Variants in MACROD2 observed in about 807,000 individuals in gnomAD.
MACROD2 encodes the protein mono-ADP ribosylhydrolase 2.
Under a neutral mutation model 70.4 loss-of-function variants are expected in MACROD2, and 36 were observed. That is an observed-to-expected ratio of 0.51 (90% CI 0.39 to 0.68). The LOEUF (loss-of-function observed/expected upper bound fraction) is 0.68. Among genes scored for constraint, MACROD2 ranks in the 30% least tolerant of loss-of-function variants. The probability of loss-of-function intolerance (pLI) is 0.00; values close to 1 mark genes in which losing one functional copy is unlikely to be tolerated. For missense variants in MACROD2, 496 were observed against 538.4 expected (o/e 0.92, Z 0.78); for synonymous variants, 172 against 178.8 (o/e 0.96, Z 0.30).
At chr20:14,998,283 G>A (rs1295701615) in intron 5 of MACROD2, among the ~76,000 whole-genome samples, 2 of 152,308 alleles carry the variant, frequency 1.3e-5, no homozygotes, top group East Asian at 3.9e-4. Context: ...TAAGGCACCA[G>A]TGACCAATAC....
chr20:14,581,477 G>A lies in MACROD2; in HGVS notation c.301+87969G>A, dbSNP rs535735873. Among the ~76,000 whole-genome samples, 6 of 152,204 alleles carry A rather than the reference G, an allele frequency of 3.9e-5. No individual in the cohort carries two copies. The South Asian group carries it at 8.3e-4, about 21-fold the overall frequency. On this transcript the variant is annotated intron_variant, in intron 4 of 17. Coordinates refer to ENST00000684519, the MANE Select transcript of MACROD2 (RefSeq NM_001351661.2). The stretch of plus-strand genomic sequence containing the variant: ...TTGGCCTTTTAAAAAACACACTGTA[G>A]CATGACTTCCTTAATTTAGAATCCT...
intron 6 of MACROD2, among the ~76,000 whole-genome samples, chr20:15,359,439 C>T (rs1443923241): frequency 1.3e-5 from 2 of 151,618 alleles, no homozygotes; most frequent in African/African-American, 4.8e-5. Context: ...AAGTAGTCAG[C>T]TTAAGGATTG....
At chr20:15,625,422 A>T (rs967184160) in intron 8 of MACROD2, among the ~76,000 whole-genome samples, 12 of 152,332 alleles carry the variant, frequency 7.9e-5, no homozygotes, top group African/African-American at 2.6e-4. Flanking sequence ...GGAAAGGTCA[A>T]TGGCAATGGG....
intron 3 of MACROD2, among the ~76,000 whole-genome samples, chr20:14,480,878 A>G (rs1178697565): frequency 6.6e-6 from 1 of 152,142 alleles, no homozygotes; most frequent in African/African-American, 2.4e-5. Flanking sequence ...AAATATAATA[A>G]TGTATTTATT....
chr20:15,868,516 G>A (rs2064525314), intron 9 of MACROD2, among the ~76,000 whole-genome samples: 2 of 151,624 alleles, frequency 1.3e-5, no homozygotes, highest in African/African-American at 4.8e-5. Flanking sequence ...CTAAAGGCTA[G>A]TATACAGAGC....
Position 16,049,870 on chromosome 20 carries a change from T to C in MACROD2, c.1341T>C (p.Thr447=). 6.4e-7 allele frequency: 1 copy of C among 1,572,042 alleles called. No individual in the cohort carries two copies. The highest frequency in any genetic ancestry group is 8.6e-7 in the Non-Finnish European group (1 of 1,159,322). ...QDEAKEQRNG[T]K ...AAGCGAAGGAACAAAGAAATGGAAC[T>C]AAATGACAATCCTCAGCATCGCAAG... is the stretch of plus-strand genomic sequence containing the variant. The change falls in exon 18 of 18, where the codon ACT becomes ACC. Residue 447 remains threonine (T), a synonymous_variant. Coordinates refer to ENST00000684519, the MANE Select transcript of MACROD2 (RefSeq NM_001351661.2).
chr20:14,820,781 T>C (rs150657819), intron 5 of MACROD2, among the ~76,000 whole-genome samples: 1 of 152,186 alleles, frequency 6.6e-6, no homozygotes, highest in Non-Finnish European at 1.5e-5. Context: ...ATAGGGATTT[T>C]ACTTACTCAT....
intron 8 of MACROD2, among the ~76,000 whole-genome samples, chr20:15,513,387 G>A (rs547949142): frequency 6.6e-6 from 1 of 152,284 alleles, no homozygotes; most frequent in East Asian, 1.9e-4. Flanking sequence ...TAATTAAAGG[G>A]ATTCCATGAA....
chr20:14,828,343 C>T (rs796480837), intron 5 of MACROD2, among the ~76,000 whole-genome samples: 84 of 152,224 alleles, frequency 5.5e-4, no homozygotes, highest in African/African-American at 1.7e-3. Context: ...GTTATGCATG[C>T]TAAATATTCA....
intron 7 of MACROD2, among the ~76,000 whole-genome samples, chr20:15,454,385 C>A (rs1047277258): frequency 6.7e-6 from 1 of 149,012 alleles, no homozygotes; most frequent in Non-Finnish European, 1.5e-5. Flanking sequence ...AATGCTATAT[C>A]CCTCTCATTT....
intron 5 of MACROD2, among the ~76,000 whole-genome samples, chr20:14,912,773 G>T (rs1163257579): frequency 7.2e-5 from 11 of 152,154 alleles, no homozygotes; most frequent in Non-Finnish European, 1.2e-4. Context: ...AGACTGAGTT[G>T]AGTTGAGAAG....
At chr20:15,325,024 CTGATAAAAATTTTGG>C (rs548714287) in intron 6 of MACROD2, among the ~76,000 whole-genome samples, 5,405 of 152,170 alleles carry the variant, frequency 0.036, 128 homozygotes, top group South Asian at 0.098. Context: ...TTTGGACTTA[CTGATAAAAATTTTGG>C]CTCTTCTGAG....
chr20:16,013,663 G>T lies in MACROD2; in HGVS notation c.1153+26505G>T, dbSNP rs73898329. 1.7e-3 allele frequency among the ~76,000 whole-genome samples: 257 copies of T among 152,258 alleles called. 2 individuals are homozygous for T. Among genetic ancestry groups the T allele is most frequent in the African/African-American group, 6.1e-3 (253 of 41,550 alleles). On this transcript the variant is annotated intron_variant, in intron 15 of 17. Transcript: ENST00000684519. ...GTTCTTCCATTTTAGTAAGTAAATG[G>T]CCTACCACAGTGTTGCTATATTTAT...
chr20:14,048,089 G>A (rs1477564056), intron 2 of MACROD2, among the ~76,000 whole-genome samples: 3 of 151,380 alleles, frequency 2.0e-5, no homozygotes, highest in African/African-American at 4.9e-5. Context: ...TATTGTTAAC[G>A]AACACCATGG....
chr20:14,614,713 A>G (rs1027792263), intron 4 of MACROD2, among the ~76,000 whole-genome samples: 1 of 152,110 alleles, frequency 6.6e-6, no homozygotes, highest in African/African-American at 2.4e-5. Context: ...AGAGGTGCTA[A>G]TTTTAAGCAT....
intron 5 of MACROD2, among the ~76,000 whole-genome samples, chr20:14,820,164 T>G (rs1308951657): frequency 1.3e-5 from 2 of 151,958 alleles, no homozygotes; most frequent in Non-Finnish European, 2.9e-5. Flanking sequence ...TGCTTTTGAT[T>G]TGAAGGAAAG....
intron 5 of MACROD2, among the ~76,000 whole-genome samples, chr20:14,929,027 A>C (rs570089219): frequency 2.7e-4 from 41 of 152,308 alleles, no homozygotes; most frequent in Non-Finnish European, 5.0e-4. Context: ...AGGGCCTTAA[A>C]ATGAGAGAAA....
At chr20:15,258,524 G>A (rs189831601) in intron 6 of MACROD2, among the ~76,000 whole-genome samples, 27 of 152,180 alleles carry the variant, frequency 1.8e-4, no homozygotes, top group African/African-American at 6.5e-4. Flanking sequence ...GTAACATGCT[G>A]TTCACATTTG....
At chr20:14,055,439 A>G (rs1027372298) in intron 2 of MACROD2, among the ~76,000 whole-genome samples, 2 of 143,600 alleles carry the variant, frequency 1.4e-5, no homozygotes, top group South Asian at 2.2e-4. Flanking sequence ...GTTCTCTTTT[A>G]TTGCTCTTCC....
Sources: allele counts gnomAD v4.1 joint callset (sites outside exome capture counted in the v4.1 genomes callset), GRCh38; gene constraint gnomAD v4.1.1; transcripts MANE v1.5; gene names NCBI Gene and HGNC (gene_info 2026-07-23, HGNC 2026-07-21).